KCNMA1: variants seen among roughly 807,000 people sequenced by gnomAD.
The protein encoded by KCNMA1 is Calcium-activated potassium channel subunit alpha-1.
A neutral mutation model predicts 140.0 loss-of-function variants in KCNMA1; 29 were observed. That is an observed-to-expected ratio of 0.21 (90% CI 0.15 to 0.28). The LOEUF (loss-of-function observed/expected upper bound fraction) is 0.28. Among genes scored for constraint, KCNMA1 ranks in the 10% least tolerant of loss-of-function variants. KCNMA1 has a pLI of 1.00. For missense variants in KCNMA1, 880 were observed against 1,602.2 expected (o/e 0.55, Z 7.70); for synonymous variants, 612 against 611.9 (o/e 1.00, Z 0.00).
intron 2 of KCNMA1, among the ~76,000 whole-genome samples, chr10:77,353,970 T>TGGGG (rs563299513): frequency 3.1e-4 from 29 of 92,936 alleles, no homozygotes; most frequent in Middle Eastern, 5.4e-3. Context: ...CCTCTTTTTT[T>TGGGG]GGGGGGGGGG....
chr10:77,559,765 A>G (rs1164758305), intron 1 of KCNMA1, among the ~76,000 whole-genome samples: 1 of 152,222 alleles, frequency 6.6e-6, no homozygotes, highest in African/African-American at 2.4e-5. Flanking sequence ...TAGACATTTC[A>G]GCAATCTCTG....
At chr10:77,557,611 G>A (rs149897874) in intron 1 of KCNMA1, among the ~76,000 whole-genome samples, 1 of 151,494 alleles carries the variant, frequency 6.6e-6, no homozygotes, top group Non-Finnish European at 1.5e-5. Flanking sequence ...AGCTCTCTGG[G>A]GCAGGTTAAG....
chr10:77,617,081 C>T (rs1302721902), intron 1 of KCNMA1, among the ~76,000 whole-genome samples: 10 of 152,104 alleles, frequency 6.6e-5, no homozygotes, highest in Admixed American at 5.9e-4. Flanking sequence ...GAAAGGCAAC[C>T]GTATTACTTA....
chr10:77,050,227 A>G (rs2095306184), intron 14 of KCNMA1, among the ~76,000 whole-genome samples: 2 of 151,946 alleles, frequency 1.3e-5, no homozygotes, highest in African/African-American at 4.8e-5. Flanking sequence ...TGGCAAGTTC[A>G]TTATTCCTAA....
intron 2 of KCNMA1, among the ~76,000 whole-genome samples, chr10:77,377,472 C>T (rs1363053863): frequency 1.3e-5 from 2 of 152,032 alleles, no homozygotes; most frequent in Non-Finnish European, 2.9e-5. Flanking sequence ...AGGCAGGCGT[C>T]GACTAGATGG....
chr10:77,172,670 A>G (rs16934345), intron 5 of KCNMA1, among the ~76,000 whole-genome samples: 17,686 of 146,160 alleles, frequency 0.12, 1,373 homozygotes, highest in African/African-American at 0.23. Flanking sequence ...CATAAGGTGT[A>G]TGTTGCCATT....
At chr10:77,592,105 G>A (rs1271629384) in intron 1 of KCNMA1, among the ~76,000 whole-genome samples, 1 of 152,170 alleles carries the variant, frequency 6.6e-6, no homozygotes, top group East Asian at 1.9e-4. Context: ...CTCGGAGGGA[G>A]CAGATATTCC....
intron 1 of KCNMA1, chr10:77,587,076 C>T (rs1348702113): frequency 6.6e-6 from 1 of 152,224 alleles, no homozygotes; most frequent in African/African-American, 2.4e-5. Flanking sequence ...CCTGGACACA[C>T]CTGATCTTGT....
intron 1 of KCNMA1, among the ~76,000 whole-genome samples, chr10:77,524,590 T>C (rs535339174): frequency 2.0e-4 from 30 of 152,304 alleles, no homozygotes; most frequent in Non-Finnish European, 3.5e-4. Flanking sequence ...GTGGTATGTG[T>C]GGTATGAGTT....
At chr10:77,100,932 A>C (rs558671143) in intron 9 of KCNMA1, among the ~76,000 whole-genome samples, 1 of 152,070 alleles carries the variant, frequency 6.6e-6, no homozygotes, top group African/African-American at 2.4e-5. Flanking sequence ...TACACAGTTC[A>C]TCTCCCACCT....
At chr10:77,438,563 CA>C (rs1181096294) in intron 1 of KCNMA1, among the ~76,000 whole-genome samples, 2,288 of 103,598 alleles carry the variant, frequency 0.022, 24 homozygotes, top group Middle Eastern at 0.092. Context: ...AACTCTGTCT[CA>C]AAAAAAAAAA....
chr10:77,268,386 GA>G (rs1942743860), intron 2 of KCNMA1, among the ~76,000 whole-genome samples: 1 of 152,148 alleles, frequency 6.6e-6, no homozygotes, highest in South Asian at 2.1e-4. Flanking sequence ...GATTCTCCGA[GA>G]GAAGCCAGTA....
intron 20 of KCNMA1, among the ~76,000 whole-genome samples, chr10:76,954,468 G>T (rs2067437886): frequency 6.6e-6 from 1 of 152,170 alleles, no homozygotes; most frequent in African/African-American, 2.4e-5. Flanking sequence ...GCTTTAACAG[G>T]CTGCACTTTA....
intron 15 of KCNMA1, among the ~76,000 whole-genome samples, chr10:77,031,127 A>C (rs1040888313): frequency 6.6e-6 from 1 of 152,228 alleles, no homozygotes; most frequent in African/African-American, 2.4e-5. Flanking sequence ...CTTTGACGCA[A>C]TGTGCTGCAC....
chr10:77,160,986 G>A (rs2098548072), intron 5 of KCNMA1, among the ~76,000 whole-genome samples: 2 of 152,080 alleles, frequency 1.3e-5, no homozygotes, highest in South Asian at 4.1e-4. Flanking sequence ...CTTGACTTAC[G>A]AGCCTATTTT....
At chr10:77,438,374 C>T (rs936458426) in intron 1 of KCNMA1, among the ~76,000 whole-genome samples, 1 of 151,938 alleles carries the variant, frequency 6.6e-6, no homozygotes, top group Admixed American at 6.6e-5. Flanking sequence ...CGAGACCAGC[C>T]TCAATTAGGA....
At chr10:77,167,807 CAAA>C (rs2098660180) in intron 5 of KCNMA1, among the ~76,000 whole-genome samples, 1 of 151,908 alleles carries the variant, frequency 6.6e-6, no homozygotes, top group Non-Finnish European at 1.5e-5. Flanking sequence ...CCTCAGCCCC[CAAA>C]TAGCAGGAAC....
intron 3 of KCNMA1, among the ~76,000 whole-genome samples, chr10:77,217,037 G>C (rs967554515): frequency 6.6e-6 from 1 of 152,090 alleles, no homozygotes; most frequent in Non-Finnish European, 1.5e-5. Flanking sequence ...AATCTTAATC[G>C]CTCACGCTTT....
chr10:77,130,053 T>G (rs2097825879), intron 5 of KCNMA1, among the ~76,000 whole-genome samples: 1 of 152,144 alleles, frequency 6.6e-6, no homozygotes, highest in African/African-American at 2.4e-5. Flanking sequence ...AAACGAGATC[T>G]AAAGCTACTA....
Sources: gnomAD v4.1 joint callset for allele counts (sites outside exome capture counted in the v4.1 genomes callset) on GRCh38, gnomAD v4.1.1 for gene constraint, MANE v1.5 for transcripts, NCBI Gene and HGNC (gene_info 2026-07-23, HGNC 2026-07-21) for gene names.